The following STXBP5 variants were observed in gnomAD, a reference collection of about 807,000 sequenced individuals.
The protein encoded by STXBP5 is syntaxin binding protein 5, also known as syntaxin-binding protein 5.
In STXBP5, 50 loss-of-function variants were observed where a neutral mutation model predicts 152.4. That is an observed-to-expected ratio of 0.33 (90% CI 0.26 to 0.42). The LOEUF is 0.42. Among genes scored for constraint, STXBP5 ranks in the 10% least tolerant of loss-of-function variants. The probability of loss-of-function intolerance (pLI) is 1.00; values close to 1 mark genes in which losing one functional copy is unlikely to be tolerated. For missense variants in STXBP5, 1,167 were observed against 1,388.6 expected (o/e 0.84, Z 2.54); for synonymous variants, 492 against 494.7 (o/e 0.99, Z 0.07).
At chr6:147,282,640 C>G (rs1780756659) in intron 8 of STXBP5, among the ~76,000 whole-genome samples, 1 of 152,038 alleles carries the variant, frequency 6.6e-6, no homozygotes, top group Non-Finnish European at 1.5e-5. Flanking sequence ...TAAGCTGTTT[C>G]TCTTTTGGCT....
chr6:147,254,092 A>G (rs1009303003), intron 4 of STXBP5, among the ~76,000 whole-genome samples: 3 of 152,352 alleles, frequency 2.0e-5, no homozygotes, highest in Admixed American at 6.5e-5. Context: ...GTACCAAAAC[A>G]GATACATAGA....
intron 9 of STXBP5, among the ~76,000 whole-genome samples, chr6:147,308,248 T>C (rs377042710): frequency 6.6e-6 from 1 of 152,126 alleles, no homozygotes; most frequent in African/African-American, 2.4e-5. Flanking sequence ...TGGAAGAAAA[T>C]CAAATATACT....
Position 147,239,240 on chromosome 6 carries a change from T to C in STXBP5, c.401T>C (p.Ile134Thr). 6.2e-7 allele frequency: 1 copy of C among 1,613,752 alleles called. No individual in the cohort carries two copies. The highest frequency in any genetic ancestry group is 8.5e-7 in the Non-Finnish European group (1 of 1,179,800). ...LWNLRQKRPAILHSLKFCRER... is the reference protein window; with the variant it reads ...LWNLRQKRPATLHSLKFCRER... Reference sequence around the variant, plus strand: ...AATTTACGTCAGAAGAGGCCTGCCATACTACATTCGCTTAAATTTTGCAGA... The same window carrying C: ...AATTTACGTCAGAAGAGGCCTGCCACACTACATTCGCTTAAATTTTGCAGA... Residue 134 changes from isoleucine (I) to threonine (T), a missense_variant, in exon 4 of 28, where the codon ATA (isoleucine) becomes ACA (threonine). Ile to Thr is a moderately conservative substitution (Grantham distance 89, BLOSUM62 -1). Transcript: ENST00000321680.
At chr6:147,329,768 G>A (rs1220354100) in intron 18 of STXBP5, among the ~76,000 whole-genome samples, 1 of 151,830 alleles carries the variant, frequency 6.6e-6, no homozygotes, top group Admixed American at 6.6e-5. Context: ...TGGGACTACA[G>A]GCGCCCGCTA....
chr6:147,207,793 G>A (rs796157110), intron 2 of STXBP5, among the ~76,000 whole-genome samples: 6 of 152,076 alleles, frequency 3.9e-5, no homozygotes, highest in African/African-American at 1.4e-4. Flanking sequence ...AGGTTTTATT[G>A]TTTTCCCAGT....
chr6:147,233,280 G>A (rs190875328), intron 2 of STXBP5, among the ~76,000 whole-genome samples: 2 of 151,772 alleles, frequency 1.3e-5, no homozygotes, highest in Admixed American at 1.3e-4. Flanking sequence ...TATGAATGCT[G>A]CACTCGTATT....
rs1183200769 is a variant in STXBP5, at chr6:147,301,814, A to G, written c.918-8270A>G. On this transcript the variant is annotated intron_variant, in intron 9 of 27. Transcript: ENST00000321680. ...TAATTCTACCTGTAGTAAGTGGTCAAATACAGGGAGCAATCAAGCCAGCTC... is the reference window on the plus strand; with the variant it reads ...TAATTCTACCTGTAGTAAGTGGTCAGATACAGGGAGCAATCAAGCCAGCTC... 2.6e-5 allele frequency among the ~76,000 whole-genome samples: 4 copies of G among 152,178 alleles called. No individual in the cohort carries two copies. The South Asian group carries it at 6.2e-4, about 24-fold the overall frequency.
At chr6:147,243,464 G>A (rs1778650320) in intron 4 of STXBP5, among the ~76,000 whole-genome samples, 1 of 152,144 alleles carries the variant, frequency 6.6e-6, no homozygotes, top group South Asian at 2.1e-4. Context: ...ATAATTCTTT[G>A]TATGTTTTGG....
At chr6:147,352,394 G>A (rs761297953) in intron 21 of STXBP5, among the ~76,000 whole-genome samples, 26 of 152,136 alleles carry the variant, frequency 1.7e-4, no homozygotes, top group Non-Finnish European at 3.2e-4. Context: ...CCAGCACTTC[G>A]GGAGGCCGAA....
intron 6 of STXBP5, among the ~76,000 whole-genome samples, chr6:147,264,493 G>A (rs1367014982): frequency 2.6e-5 from 4 of 152,032 alleles, no homozygotes; most frequent in South Asian, 2.1e-4. Context: ...AGACTTTGGC[G>A]GATCTGAGAT....
intron 7 of STXBP5, 27 bp from the exon 8 acceptor site, chr6:147,278,054 T>C: frequency 1.6e-5 from 25 of 1,581,258 alleles, no homozygotes; most frequent in Non-Finnish European, 2.2e-5. Context: ...ATAGATTTTT[T>C]AAATGGTATT....
chr6:147,301,502 T>C (rs1198074030), intron 9 of STXBP5, among the ~76,000 whole-genome samples: 1 of 152,204 alleles, frequency 6.6e-6, no homozygotes, highest in African/African-American at 2.4e-5. Context: ...TTACCCTTTT[T>C]CATGTTACTT....
chr6:147,350,219 A>G (rs1784526728), intron 21 of STXBP5, among the ~76,000 whole-genome samples: 1 of 152,122 alleles, frequency 6.6e-6, no homozygotes, highest in Non-Finnish European at 1.5e-5. Flanking sequence ...TTTTTACATA[A>G]TAAATTTAAA....
intron 9 of STXBP5, among the ~76,000 whole-genome samples, chr6:147,294,575 A>T (rs1248699516): frequency 6.6e-6 from 1 of 152,094 alleles, no homozygotes. Context: ...GGCAAGGTTG[A>T]CCAAATTTTA....
chr6:147,326,475 T>A (rs1167316068), intron 17 of STXBP5, among the ~76,000 whole-genome samples: 2 of 152,186 alleles, frequency 1.3e-5, no homozygotes, highest in Non-Finnish European at 2.9e-5. Flanking sequence ...AGTTGAAGCT[T>A]TTCCTCATTA....
At chr6:147,263,179 A>G (rs1256671424) in intron 6 of STXBP5, among the ~76,000 whole-genome samples, 1 of 151,946 alleles carries the variant, frequency 6.6e-6, no homozygotes, top group Non-Finnish European at 1.5e-5. Flanking sequence ...CAAAAGGATA[A>G]TTAGACCGTT....
At chr6:147,330,996 A>G (rs1476257255) in intron 18 of STXBP5, among the ~76,000 whole-genome samples, 1 of 152,214 alleles carries the variant, frequency 6.6e-6, no homozygotes, top group Non-Finnish European at 1.5e-5. Flanking sequence ...AGCCTGAACT[A>G]TTTATTACTT....
In STXBP5 at chr6:147,384,871, C is replaced by T; in HGVS notation, c.*116C>T. The T allele has an allele frequency of 9.5e-7, 1 of 1,056,474 alleles. No individual in the cohort carries two copies. The highest frequency in any genetic ancestry group is 1.4e-6 in the Non-Finnish European group (1 of 697,638). The allele number at this position is 1,056,474 out of a possible 1,614,324, so 65.4% of individuals were successfully genotyped here. A position where few individuals can be genotyped will look rare whatever the true frequency, so the allele number is the denominator to read the frequency against. On this transcript the variant is annotated 3_prime_UTR_variant, in exon 28 of 28. Transcript: ENST00000321680. ...TGTTCGTCACTGAATACTGTTCTTT[C>T]CTAGCACAGTCATGCACTGTTTTAC... is the stretch of plus-strand genomic sequence containing the variant.
At chr6:147,238,044 C>A (rs1778364208) in intron 3 of STXBP5, among the ~76,000 whole-genome samples, 1 of 152,182 alleles carries the variant, frequency 6.6e-6, no homozygotes, top group African/African-American at 2.4e-5. Flanking sequence ...AAATCAGAAT[C>A]ATCTCAAAGG....
Sources: gnomAD v4.1 joint callset for allele counts (sites outside exome capture counted in the v4.1 genomes callset) on GRCh38, gnomAD v4.1.1 for gene constraint, MANE v1.5 for transcripts, NCBI Gene and HGNC (gene_info 2026-07-23, HGNC 2026-07-21) for gene names.